The following LAMA5 variants were observed in gnomAD, a reference collection of about 807,000 sequenced individuals.
LAMA5 encodes laminin subunit alpha-5.
Under a neutral mutation model 433.4 loss-of-function variants are expected in LAMA5, and 260 were observed. That is an observed-to-expected ratio of 0.60 (90% CI 0.54 to 0.66). The LOEUF is 0.66. Among genes scored for constraint, LAMA5 ranks in the 30% least tolerant of loss-of-function variants. LAMA5 has a pLI of 0.00. For synonymous variants in LAMA5, 2,620 were observed against 2,226.6 expected (o/e 1.18, Z -4.97); for missense variants, 5,378 against 5,258.5 (o/e 1.02, Z -0.70).
At position 62,327,513 on chromosome 20, in the gene LAMA5, A is replaced by C. The variant is rs1213075118; in HGVS notation, c.4938+16T>G. On this transcript the variant is annotated intron_variant, in intron 37 of 79. Coordinates refer to ENST00000252999, the MANE Select transcript of LAMA5 (RefSeq NM_005560.6). The stretch of plus-strand genomic sequence containing the variant: ...ACCTCCCCGAGAAGGCAATGCCCTC[A>C]GTCCTGCAGGCGCACCTCCTGGCGG... The C allele has an allele frequency of 1.2e-6, 2 of 1,612,780 alleles. No homozygotes were observed. Among genetic ancestry groups the C allele is most frequent in the East Asian group, 4.5e-5 (2 of 44,882 alleles).
intron 9 of LAMA5, 123 bp from the exon 10 acceptor site, chr20:62,346,338 CT>C (rs1213097156): frequency 2.8e-6 from 4 of 1,420,140 alleles, no homozygotes; most frequent in Admixed American, 2.1e-5. Context: ...GCCAGGCCCC[CT>C]GGGGGGACAT....
At chr20:62,347,777 T>A (rs1040462699) in intron 6 of LAMA5, among the ~76,000 whole-genome samples, 2 of 152,180 alleles carry the variant, frequency 1.3e-5, no homozygotes, top group African/African-American at 4.8e-5. Flanking sequence ...GGCCGTGCGT[T>A]CCCTGAGCAG....
intron 1 of LAMA5, among the ~76,000 whole-genome samples, chr20:62,362,878 G>A (rs956900574): frequency 1.3e-5 from 2 of 151,808 alleles, no homozygotes; most frequent in African/African-American, 4.8e-5. Context: ...TAAGGGGGGG[G>A]GTGTGCTCTA....
At chr20:62,320,522 A>C in intron 50 of LAMA5, 37 bp downstream of exon 50, 1 of 1,499,318 alleles carries the variant, frequency 6.7e-7, no homozygotes, top group Non-Finnish European at 9.0e-7. Flanking sequence ...CACAGGTGAA[A>C]GCCTCCCGGG....
Position 62,324,294 on chromosome 20 carries a change from T to C in LAMA5, c.5644-90A>G, listed in dbSNP as rs889789073. The C allele has an allele frequency of 2.6e-6, 4 of 1,520,300 alleles. No homozygotes were observed. The highest frequency in any genetic ancestry group is 3.6e-6 in the Non-Finnish European group (4 of 1,125,938). 94.2% of individuals were successfully genotyped at this position (1,520,300 alleles called of 1,614,324 possible). ...CTCCCACCACCCCTGCCTCAGACTC[T>C]GTGCCCAAGGCCAGATGGTCCCCCA... On this transcript the variant is annotated intron_variant, in intron 42 of 79. Transcript: ENST00000252999. The surrounding 1 kb of genome is among the most constrained non-coding windows in gnomAD (Gnocchi z 4.4).
At position 62,323,570 on chromosome 20, in the gene LAMA5, A is replaced by G. The variant is rs2146132789; in HGVS notation, c.5950T>C (p.Cys1984Arg). ...NGDPNLLFSDCDPLTGACRGC... is the reference protein window; with the variant it reads ...NGDPNLLFSDRDPLTGACRGC... ...CGGCAGGCGCCCGTCAGGGGGTCGCAGTCGCTGAAGAGCAAGTTGGGGTCA... is the reference window on the plus strand; with the variant it reads ...CGGCAGGCGCCCGTCAGGGGGTCGCGGTCGCTGAAGAGCAAGTTGGGGTCA... The change falls in exon 45 of 80, where the codon TGC becomes CGC. Residue 1984 changes from cysteine (C) to arginine (R), a missense_variant. Coordinates refer to ENST00000252999, the MANE Select transcript of LAMA5 (RefSeq NM_005560.6). 1 of 1,605,548 alleles carries G rather than the reference A, an allele frequency of 6.2e-7. No individual in the cohort carries two copies. Among genetic ancestry groups the G allele is most frequent in the Middle Eastern group, 1.7e-4 (1 of 6,038 alleles).
chr20:62,333,018 G>A (rs1172619391), intron 26 of LAMA5, 72 bp downstream of exon 26: 16 of 1,418,004 alleles, frequency 1.1e-5, no homozygotes, highest in East Asian at 2.6e-5. Flanking sequence ...ACCTGCCACC[G>A]CCACAGGACC....
At chr20:62,361,035 C>A (rs1425244861) in intron 2 of LAMA5, among the ~76,000 whole-genome samples, 1 of 152,168 alleles carries the variant, frequency 6.6e-6, no homozygotes, top group Non-Finnish European at 1.5e-5. Flanking sequence ...CCAGCCCAGC[C>A]CCCTAGTTTC....
Position 62,322,110 on chromosome 20 carries a change from CG to C in LAMA5, c.6404del (p.Pro2135ArgfsTer74), listed in dbSNP as rs1568919861. The C allele has an allele frequency of 3.1e-6, 5 of 1,602,324 alleles. No homozygotes were observed. Among genetic ancestry groups the C allele is most frequent in the African/African-American group, 1.3e-5 (1 of 74,666 alleles). ...TGTCGCAGCGCTCCCCGCTGAGCCC[CG>C]GGGGGCAGTTGCAGCGGCCCGTGTG... ...DPHTGRCNCP[P>X]GLSGERCDTC... On this transcript the variant is annotated frameshift_variant, in exon 48 of 80. Transcript: ENST00000252999. LOFTEE classifies it high-confidence loss of function.
Position 62,319,782 on chromosome 20 carries a change from C to T in LAMA5, c.6773G>A (p.Arg2258Gln), listed in dbSNP as rs377125260. The T allele has an allele frequency of 3.4e-5, 53 of 1,546,294 alleles. No homozygotes were observed. Among genetic ancestry groups the T allele is most frequent in the Non-Finnish European group, 4.0e-5 (46 of 1,146,336 alleles). ...RRLGGQAVGT[R>Q]DQASQLLAGT... ...GGCCAGCAATTGGCTCGCCTGGTCT[C>T]GGGTCCCCACGGCCTGTGGAGGAAG... Residue 2258 changes from arginine to glutamine, a missense_variant, in exon 51 of 80, where the codon CGA becomes CAA. Physicochemically the swap from Arg to Gln is conservative, Grantham distance 43. Coordinates refer to ENST00000252999, the MANE Select transcript of LAMA5 (RefSeq NM_005560.6).
Position 62,317,364 on chromosome 20 carries a change from G to A in LAMA5, c.7492C>T (p.Leu2498=), listed in dbSNP as rs1267572962. The A allele has an allele frequency of 6.2e-7, 1 of 1,608,212 alleles. No individual in the cohort carries two copies. Among genetic ancestry groups the A allele is most frequent in the African/African-American group, 1.3e-5 (1 of 74,874 alleles). ...ACCCACCTGGACAGATTGAGTGCCA[G>A]CTGGCCCAGCTGCTGTGCGTGGGCC... is the stretch of plus-strand genomic sequence containing the variant. The part of the protein sequence containing the change: ...AEAHAQQLGQ[L]ALNLSSIILD... Residue 2498 remains leucine (L), a synonymous_variant, in exon 55 of 80, where the codon CTG becomes TTG. Transcript: ENST00000252999.
chr20:62,334,669 C>T (rs765309378), intron 20 of LAMA5, 48 bp from the exon 21 acceptor site: 215 of 1,475,516 alleles, frequency 1.5e-4, no homozygotes, highest in Non-Finnish European at 1.9e-4. Flanking sequence ...CCCCACCCAG[C>T]CTCAGGGGCC....
rs748075941 is a variant in LAMA5, at chr20:62,323,552, C to T, written c.5968G>A (p.Ala1990Thr). The T allele has an allele frequency of 3.7e-5, 59 of 1,592,466 alleles. No individual in the cohort carries two copies. Among genetic ancestry groups the T allele is most frequent in the South Asian group, 3.3e-4 (29 of 88,084 alleles). The change falls in exon 45 of 80, where the codon GCC becomes ACC. Residue 1990 changes from alanine to threonine, a missense_variant. Coordinates refer to ENST00000252999, the MANE Select transcript of LAMA5 (RefSeq NM_005560.6). ...LFSDCDPLTG[A>T]CRGCLRHTTG... The stretch of plus-strand genomic sequence containing the variant: ...GTGTGGCGCAGGCAGCCACGGCAGG[C>T]GCCCGTCAGGGGGTCGCAGTCGCTG...
chr20:62,335,131 G>C lies in LAMA5; in HGVS notation c.2377-5C>G. 6.2e-7 allele frequency: 1 copy of C among 1,612,856 alleles called. No individual in the cohort carries two copies. The highest frequency in any genetic ancestry group is 8.5e-7 in the Non-Finnish European group (1 of 1,179,624). On this transcript the variant is annotated splice_polypyrimidine_tract_variant and splice_region_variant and intron_variant, in intron 19 of 79. Transcript: ENST00000252999. Reference sequence around the variant, plus strand: ...GCAGAAGCACTGGCCGGTGCCCTGGGGGCCAAGGGAGGAGGTGAAGTGGGG... The same window carrying C: ...GCAGAAGCACTGGCCGGTGCCCTGGCGGCCAAGGGAGGAGGTGAAGTGGGG...
rs372436992 is a variant in LAMA5 at position 62,324,542 on chromosome 20, C to T, written c.5542G>A (p.Gly1848Ser). The change falls in exon 42 of 80, where the codon GGC (glycine) becomes AGC (serine). Residue 1848 changes from glycine to serine, a missense_variant. By Grantham distance (56) the Gly-to-Ser change is moderately conservative (BLOSUM62 0). Coordinates refer to ENST00000252999, the MANE Select transcript of LAMA5 (RefSeq NM_005560.6). The surrounding 1 kb of genome is among the most constrained non-coding windows in gnomAD (Gnocchi z 4.4). ...AGACCTTTGACGTCCCGATAGAAGC[C>T]GGGGGCACATTCCTGAGGGTGTACG... ...RGDSCQECAP[G>S]FYRDVKGLFL... The T allele has an allele frequency of 2.0e-5, 33 of 1,611,230 alleles. No individual in the cohort carries two copies. Among genetic ancestry groups the T allele is most frequent in the Non-Finnish European group, 2.4e-5 (28 of 1,179,256 alleles).
In LAMA5 at chr20:62,359,918, C is replaced by A. The variant is rs934152037; in HGVS notation, c.450+2482G>T. ...GCCTTCCAGGAGCAGGAAGCCTTCC[C>A]GATGCCCAGTGCCAGCCGCCCCCAC... is the stretch of plus-strand genomic sequence containing the variant. On this transcript the variant is annotated intron_variant, in intron 2 of 79. Coordinates refer to ENST00000252999, the MANE Select transcript of LAMA5 (RefSeq NM_005560.6). The surrounding 1 kb of genome is among the most constrained non-coding windows in gnomAD (Gnocchi z 4.3). Among the ~76,000 whole-genome samples, 1 of 152,018 alleles carries A rather than the reference C, an allele frequency of 6.6e-6. No individual in the cohort carries two copies. Among genetic ancestry groups the A allele is most frequent in the Non-Finnish European group, 1.5e-5 (1 of 67,984 alleles).
In LAMA5 at chr20:62,336,551, C is replaced by CA. The variant is rs1024342446; in HGVS notation, c.2218-107dup. 18 of 1,165,580 alleles carry CA rather than the reference C, an allele frequency of 1.5e-5. No individual in the cohort carries two copies. In the African/African-American group the frequency reaches 2.4e-4, roughly 16 times the overall value. The allele number at this position is 1,165,580 out of a possible 1,614,324, so 72.2% of individuals were successfully genotyped here. ...AGGGGTGGTGAGGGCTGAGGGCCCTCACCTGTGACTCACAGGAGTCACCTG... is the reference window on the plus strand; with the variant it reads ...AGGGGTGGTGAGGGCTGAGGGCCCTCAACCTGTGACTCACAGGAGTCACCTG... On this transcript the variant is annotated intron_variant, in intron 17 of 79. Transcript: ENST00000252999.
In LAMA5 at chr20:62,317,053, G is replaced by A. The variant is rs372014896; in HGVS notation, c.7512-30C>T. The A allele has an allele frequency of 6.6e-6, 10 of 1,509,270 alleles. No homozygotes were observed. In the African/African-American group the frequency reaches 8.4e-5, roughly 13 times the overall value. 93.5% of individuals were successfully genotyped at this position (1,509,270 alleles called of 1,614,324 possible). A position where few individuals can be genotyped will look rare whatever the true frequency, so the allele number is the denominator to read the frequency against. On this transcript the variant is annotated intron_variant, in intron 55 of 79. Coordinates refer to ENST00000252999, the MANE Select transcript of LAMA5 (RefSeq NM_005560.6). ...AGCGGAAGGGAGGGTCGAAGGAGTG[G>A]GTAAGCGCAGACGCCCTCGGCCTGG...
intron 2 of LAMA5, among the ~76,000 whole-genome samples, chr20:62,357,909 G>GCAGCC (rs1408559722): frequency 1.3e-5 from 2 of 152,182 alleles, no homozygotes; most frequent in Non-Finnish European, 2.9e-5. Flanking sequence ...CTCCCTCCCT[G>GCAGCC]CAGCCCAGCC....
Sources: gnomAD v4.1 joint callset for allele counts (sites outside exome capture counted in the v4.1 genomes callset) on GRCh38, gnomAD v4.1.1 for gene constraint, Gnocchi (gnomAD v3.1) non-coding constraint, MANE v1.5 for transcripts, NCBI Gene and HGNC (gene_info 2026-07-23, HGNC 2026-07-21) for gene names.